NCALD: variants seen among roughly 807,000 people sequenced by gnomAD.
The protein encoded by NCALD is neurocalcin-delta.
Under a neutral mutation model 18.6 loss-of-function variants are expected in NCALD, and 10 were observed. The observed-to-expected ratio is 0.54, with a 90% CI of 0.33 to 0.91. NCALD has a LOEUF of 0.91. Ranked by LOEUF, NCALD falls within the 40% of genes least tolerant of loss-of-function variation. The probability of loss-of-function intolerance (pLI) is 0.03; values close to 1 mark genes in which losing one functional copy is unlikely to be tolerated. For missense variants in NCALD, 184 were observed against 247.6 expected, an observed-to-expected ratio of 0.74 and a Z score of 1.72; for synonymous variants, 88 against 87.4, an observed-to-expected ratio of 1.01 and a Z score of -0.04.
chr8:101,746,170 C>T (rs1455589043), intron 1 of NCALD, among the ~76,000 whole-genome samples: 1 of 152,064 alleles, frequency 6.6e-6, no homozygotes, highest in Non-Finnish European at 1.5e-5. Context: ...ATTCAGGCCT[C>T]CAGTGAAAAG....
intron 3 of NCALD, among the ~76,000 whole-genome samples, chr8:101,896,212 A>G (rs1426119589): frequency 1.6e-4 from 24 of 152,084 alleles, no homozygotes; most frequent in Non-Finnish European, 1.5e-5. Flanking sequence ...GTAATGCCAC[A>G]TATCTACAAC....
At chr8:102,101,528 A>G (rs1218682186) in intron 1 of NCALD, among the ~76,000 whole-genome samples, 1 of 152,230 alleles carries the variant, frequency 6.6e-6, no homozygotes, top group East Asian at 1.9e-4. Context: ...GTGTTGCTGT[A>G]TGCATTCACA....
intron 2 of NCALD, among the ~76,000 whole-genome samples, chr8:101,952,015 C>CT (rs967512559): frequency 3.3e-5 from 5 of 152,200 alleles, no homozygotes; most frequent in Admixed American, 2.0e-4. Context: ...TCTCTGATTA[C>CT]TTTTTTATCA....
chr8:101,918,572 C>T (rs1269214364), intron 2 of NCALD, among the ~76,000 whole-genome samples: 1 of 152,020 alleles, frequency 6.6e-6, no homozygotes, highest in Non-Finnish European at 1.5e-5. Context: ...GAATATGATT[C>T]TATACCTAGA....
chr8:101,967,549 T>G (rs1820075646), intron 2 of NCALD, among the ~76,000 whole-genome samples: 1 of 152,096 alleles, frequency 6.6e-6, no homozygotes, highest in African/African-American at 2.4e-5. Context: ...TCGAATCAAT[T>G]GGTTAAGTGT....
At chr8:101,913,524 A>T (rs551388777) in intron 3 of NCALD, among the ~76,000 whole-genome samples, 26 of 150,356 alleles carry the variant, frequency 1.7e-4, no homozygotes, top group African/African-American at 5.9e-4. Flanking sequence ...CCTCCAAACC[A>T]GTTTTTTTGT....
chr8:101,738,122 A>G (rs1035792003), intron 1 of NCALD, among the ~76,000 whole-genome samples: 1 of 152,200 alleles, frequency 6.6e-6, no homozygotes, highest in African/African-American at 2.4e-5. Context: ...ATACAGGTCC[A>G]AAGTTTATCA....
At chr8:101,985,976 G>T (rs1052083112) in intron 2 of NCALD, among the ~76,000 whole-genome samples, 2 of 152,050 alleles carry the variant, frequency 1.3e-5, no homozygotes, top group African/African-American at 4.8e-5. Context: ...AAAAATAAAT[G>T]ATCATTCCTT....
intron 2 of NCALD, among the ~76,000 whole-genome samples, chr8:102,014,620 T>C (rs1295412943): frequency 6.6e-6 from 1 of 152,214 alleles, no homozygotes; most frequent in Non-Finnish European, 1.5e-5. Flanking sequence ...TAAATAAGCA[T>C]ATCAATGATA....
rs192238483 is a variant in NCALD, at chr8:101,859,425, T to A, written c.-20+27716A>T. Among the ~76,000 whole-genome samples, 3 of 152,304 alleles carry A rather than the reference T, an allele frequency of 2.0e-5. No homozygotes were observed. The East Asian group carries it at 5.8e-4, about 29-fold the overall frequency. On this transcript the variant is annotated intron_variant, in intron 4 of 6. Coordinates refer to the NCALD transcript ENST00000311028. ...TTGTGATCATGTGAGTCAATTCTCCTAATAAACTCCTCTTCACATATACAT... is the reference window on the plus strand; with the variant it reads ...TTGTGATCATGTGAGTCAATTCTCCAAATAAACTCCTCTTCACATATACAT...
At chr8:101,871,831 C>T in intron 4 of NCALD, 1 of 466,752 alleles carries the variant, frequency 2.1e-6, no homozygotes, top group South Asian at 3.5e-5. Flanking sequence ...GCTGCAGCCT[C>T]AGTCACCCTT....
At chr8:101,881,937 A>G (rs1245573846) in intron 4 of NCALD, among the ~76,000 whole-genome samples, 1 of 152,236 alleles carries the variant, frequency 6.6e-6, no homozygotes, top group Non-Finnish European at 1.5e-5. Context: ...AGGCTAAAAC[A>G]GAGCAGTGTG....
chr8:101,867,967 C>T (rs546869181), intron 4 of NCALD, among the ~76,000 whole-genome samples: 3 of 151,904 alleles, frequency 2.0e-5, no homozygotes, highest in African/African-American at 4.8e-5. Flanking sequence ...CCCCGCCAAC[C>T]TTTTTTTTGG....
In NCALD at chr8:102,082,224, C is replaced by CTTTTTTTTTTTTTT. The variant is rs1362023921; in HGVS notation, c.-210+42012_-210+42013insAAAAAAAAAAAAAA. Among the ~76,000 whole-genome samples the CTTTTTTTTTTTTTT allele has an allele frequency of 8.2e-5, 9 of 109,484 alleles. 1 individual carries two copies. Among genetic ancestry groups the CTTTTTTTTTTTTTT allele is most frequent in the African/African-American group, 3.4e-4 (9 of 26,518 alleles). 71.8% of individuals were successfully genotyped at this position (109,484 alleles called of 152,430 possible). ...AATGGGCAGTTATTTGAGAAGCTCT[C>CTTTTTTTTTTTTTT]TCTTTTTTTTTTTTTTTTTTTTTTT... On this transcript the variant is annotated intron_variant, in intron 1 of 6. Coordinates refer to the NCALD transcript ENST00000311028.
chr8:101,871,820 A>G (rs1816031991), intron 4 of NCALD: 1 of 429,176 alleles, frequency 2.3e-6, no homozygotes, highest in East Asian at 4.0e-5. Flanking sequence ...ATGTGATAGC[A>G]GCTGCAGCCT....
intron 1 of NCALD, among the ~76,000 whole-genome samples, chr8:101,756,532 G>A (rs1048451461): frequency 6.6e-6 from 1 of 152,242 alleles, no homozygotes; most frequent in African/African-American, 2.4e-5. Flanking sequence ...TCTATGCTAT[G>A]CATTTGGAAG....
At chr8:101,742,089 T>C (rs1420750349) in intron 1 of NCALD, among the ~76,000 whole-genome samples, 1 of 81,176 alleles carries the variant, frequency 1.2e-5, no homozygotes, top group South Asian at 4.1e-4. Flanking sequence ...CTGTCTCTAC[T>C]GAAAAAAAAA....
rs1351322085 is a variant in NCALD at position 101,943,086 on chromosome 8, G to A, written c.-156-27228C>T. Among the ~76,000 whole-genome samples the A allele has an allele frequency of 6.6e-5, 10 of 152,286 alleles. No homozygotes were observed. In the East Asian group the frequency reaches 1.5e-3, roughly 24 times the overall value. ...TGTTCTGGAGCGGGAAGCAAAGAGTGTGTACAGAGAACCAAACATTGTTGG... is the reference window on the plus strand; with the variant it reads ...TGTTCTGGAGCGGGAAGCAAAGAGTATGTACAGAGAACCAAACATTGTTGG... On this transcript the variant is annotated intron_variant, in intron 2 of 6. Transcript: ENST00000311028.
chr8:102,106,131 G>A (rs150266765), intron 1 of NCALD, among the ~76,000 whole-genome samples: 2,639 of 151,074 alleles, frequency 0.017, 102 homozygotes, highest in African/African-American at 0.06. Context: ...GTGCAGTGGC[G>A]CAATCTCGGC....
Sources: gnomAD v4.1 joint callset for allele counts (sites outside exome capture counted in the v4.1 genomes callset) on GRCh38, gnomAD v4.1.1 for gene constraint, MANE v1.5 for transcripts, NCBI Gene and HGNC (gene_info 2026-07-23, HGNC 2026-07-21) for gene names.